Variants in RAP1GAP observed in about 807,000 individuals in gnomAD.
RAP1GAP encodes the protein RAP1 GTPase activating protein.
A neutral mutation model predicts 87.2 loss-of-function variants in RAP1GAP; 35 were observed. The ratio of observed to expected loss-of-function variants is 0.40; its 90% CI spans 0.31 to 0.53. The LOEUF (loss-of-function observed/expected upper bound fraction) is 0.53. Ranked by LOEUF, RAP1GAP falls within the 20% of genes least tolerant of loss-of-function variation. The pLI is 0.48. For synonymous variants in RAP1GAP, 375 were observed against 363.9 expected (o/e 1.03, Z -0.35); for missense variants, 734 against 898.9 (o/e 0.82, Z 2.35).
chr1:21,609,543 G>T lies in RAP1GAP; in HGVS notation c.1071+32C>A. Reference sequence around the variant, plus strand: ...CCCCAGGCCCCCACCCATTTGTCCTGCTCTGCCCATGACTGGGGGGGTGCC... The same window carrying T: ...CCCCAGGCCCCCACCCATTTGTCCTTCTCTGCCCATGACTGGGGGGGTGCC... On this transcript the variant is annotated intron_variant, in intron 15 of 24. Coordinates refer to ENST00000374765, the MANE Select transcript of RAP1GAP (RefSeq NM_002885.4). This position sits in a 1 kb window ranked among gnomAD's most constrained non-coding sequence, Gnocchi z 4.4. The T allele has an allele frequency of 7.4e-7, 1 of 1,358,454 alleles. No homozygotes were observed. The highest frequency in any genetic ancestry group is 1.0e-6 in the Non-Finnish European group (1 of 999,554). 84.2% of individuals were successfully genotyped at this position (1,358,454 alleles called of 1,614,324 possible).
chr1:21,651,241 G>A (rs1571343298), intron 1 of RAP1GAP: 22 of 365,358 alleles, frequency 6.0e-5, no homozygotes, highest in South Asian at 4.0e-4. Context: ...CAGGAAGGAG[G>A]GCAGCCTGGT....
At chr1:21,651,482 A>T in intron 1 of RAP1GAP, 1 of 621,880 alleles carries the variant, frequency 1.6e-6, no homozygotes, top group Non-Finnish European at 3.1e-6. Context: ...CACATGCATA[A>T]GCGCCACTAT....
Position 21,606,186 on chromosome 1 carries a change from C to G in RAP1GAP, c.1308G>C (p.Arg436=). 1 of 1,581,390 alleles carries G rather than the reference C, an allele frequency of 6.3e-7. No individual in the cohort carries two copies. The change falls in exon 18 of 25, where the codon CGG becomes CGC. Residue 436 remains arginine, a synonymous_variant. Coordinates refer to ENST00000374765, the MANE Select transcript of RAP1GAP (RefSeq NM_002885.4). ...GFFESFKRVI[R]SRSQSMDAMG... ...TGGCATCCATGGACTGGCTGCGGCT[C>G]CGGATGACCCGCTGTGAAGGGGGTG...
At chr1:21,636,101 G>A (rs2094624684) in intron 2 of RAP1GAP, among the ~76,000 whole-genome samples, 1 of 152,174 alleles carries the variant, frequency 6.6e-6, no homozygotes, top group African/African-American at 2.4e-5. Flanking sequence ...AATAAATTAG[G>A]TATTATATGG....
In RAP1GAP at chr1:21,669,156, C is replaced by T. The variant is rs2097499195; in HGVS notation, c.-149+98G>A. 1 of 1,183,802 alleles carries T rather than the reference C, an allele frequency of 8.4e-7. No individual in the cohort carries two copies. The highest frequency in any genetic ancestry group is 1.1e-6 in the Non-Finnish European group (1 of 939,842). The allele number at this position is 1,183,802 out of a possible 1,614,324, so 73.3% of individuals were successfully genotyped here. On this transcript the variant is annotated intron_variant, in intron 1 of 24. Coordinates refer to ENST00000374765, the MANE Select transcript of RAP1GAP (RefSeq NM_002885.4). This position sits in a 1 kb window ranked among gnomAD's most constrained non-coding sequence, Gnocchi z 5.6. The stretch of plus-strand genomic sequence containing the variant: ...CGTTCGCCCCCACCCTCCGTCCCCG[C>T]CCGCCCGCGCGGGGTCTTCGCTGCG...
rs866941479 is a variant in RAP1GAP at position 21,623,651 on chromosome 1, G to A, written c.-19+2653C>T. Among the ~76,000 whole-genome samples the A allele has an allele frequency of 5.3e-5, 8 of 152,368 alleles. No homozygotes were observed. The South Asian group carries it at 1.7e-3, about 32-fold the overall frequency. On this transcript the variant is annotated intron_variant, in intron 3 of 24. Transcript: ENST00000374765. ...TCCCCCTAGACCTGGCCTTGAATCA[G>A]GTTTGGGCCTGGAGAGCCAGCAGGA...
At chr1:21,635,340 C>T (rs542806834) in intron 2 of RAP1GAP, among the ~76,000 whole-genome samples, 6 of 152,332 alleles carry the variant, frequency 3.9e-5, no homozygotes, top group South Asian at 2.1e-4. Context: ...GGCATTCCTT[C>T]GCTCACTCAC....
chr1:21,635,050 C>A (rs1204606908), intron 2 of RAP1GAP, among the ~76,000 whole-genome samples: 1 of 152,222 alleles, frequency 6.6e-6, no homozygotes, highest in Non-Finnish European at 1.5e-5. Context: ...TGCTAATCTC[C>A]ATTCTGCCTG....
intron 1 of RAP1GAP, among the ~76,000 whole-genome samples, chr1:21,654,799 T>C (rs1339286853): frequency 6.6e-6 from 1 of 150,760 alleles, no homozygotes; most frequent in African/African-American, 2.4e-5. Context: ...ACCACTGCAC[T>C]CCAGCCTGGG....
chr1:21,648,228 G>A (rs1355526590), intron 2 of RAP1GAP, among the ~76,000 whole-genome samples: 1 of 152,202 alleles, frequency 6.6e-6, no homozygotes. Flanking sequence ...CTCGCCCAAA[G>A]TCACACAGCT....
chr1:21,635,639 G>T (rs1020701684), intron 2 of RAP1GAP, among the ~76,000 whole-genome samples: 4 of 152,228 alleles, frequency 2.6e-5, no homozygotes, highest in Admixed American at 1.3e-4. Context: ...TGGGGCTGGG[G>T]TTGCTGCCTC....
chr1:21,656,069 A>T (rs567549854), intron 1 of RAP1GAP, among the ~76,000 whole-genome samples: 1 of 152,252 alleles, frequency 6.6e-6, no homozygotes, highest in African/African-American at 2.4e-5. Flanking sequence ...GCTTTGCATT[A>T]ATCAGTTTTC....
At chr1:21,599,165 G>A (rs763957849) in intron 21 of RAP1GAP, among the ~76,000 whole-genome samples, 2 of 152,204 alleles carry the variant, frequency 1.3e-5, no homozygotes, top group African/African-American at 2.4e-5. Flanking sequence ...TGGCACATGC[G>A]CAAAGGGCCA....
At chr1:21,653,206 T>G (rs1353458810) in intron 1 of RAP1GAP, 2 of 152,094 alleles carry the variant, frequency 1.3e-5, no homozygotes, top group East Asian at 3.9e-4. Context: ...CTCACACCAA[T>G]TACTTCTCTC....
Position 21,634,384 on chromosome 1 carries a change from G to A in RAP1GAP, c.-112-7987C>T, listed in dbSNP as rs1451937739. ...CTATTTGCCATGCGGGCACTGTGAT[G>A]TCATTCAATCCTTATGACAACAACC... On this transcript the variant is annotated intron_variant, in intron 2 of 24. Transcript: ENST00000374765. This position sits in a 1 kb window ranked among gnomAD's most constrained non-coding sequence, Gnocchi z 4.1. Among the ~76,000 whole-genome samples the A allele has an allele frequency of 1.3e-5, 2 of 152,204 alleles. No homozygotes were observed. The highest frequency in any genetic ancestry group is 1.3e-4 in the Admixed American group (2 of 15,288).
At chr1:21,633,426 C>G (rs2094150397) in intron 2 of RAP1GAP, among the ~76,000 whole-genome samples, 1 of 152,174 alleles carries the variant, frequency 6.6e-6, no homozygotes, top group Admixed American at 6.5e-5. Flanking sequence ...GCTTTTCTGC[C>G]TAGTGAACCA....
At chr1:21,662,587 T>C (rs1453165520) in intron 1 of RAP1GAP, among the ~76,000 whole-genome samples, 3 of 152,080 alleles carry the variant, frequency 2.0e-5, no homozygotes, top group Non-Finnish European at 4.4e-5. Flanking sequence ...CTGGAAGCTT[T>C]AGGGCCTGGA....
chr1:21,617,468 G>A lies in RAP1GAP; in HGVS notation c.129C>T (p.Phe43=). ...CAAACTGGGGCAGCAGGATGAGGGG[G>A]AAGGGTCCTTCTCGCCCCAAGACCT... The part of the protein sequence containing the change: ...VHEVLGREGP[F]PLILLPQFGG... Residue 43 remains phenylalanine (F), a synonymous_variant, in exon 7 of 25, where the codon TTC becomes TTT. Coordinates refer to ENST00000374765, the MANE Select transcript of RAP1GAP (RefSeq NM_002885.4). 1 of 1,604,172 alleles carries A rather than the reference G, an allele frequency of 6.2e-7. No individual in the cohort carries two copies. The highest frequency in any genetic ancestry group is 8.5e-7 in the Non-Finnish European group (1 of 1,175,824).
chr1:21,633,858 CATGT>C (rs1224461788), intron 2 of RAP1GAP, among the ~76,000 whole-genome samples: 1 of 152,022 alleles, frequency 6.6e-6, no homozygotes, highest in Admixed American at 6.6e-5. Flanking sequence ...TTCTACCACC[CATGT>C]GGGGTGGAGG....
Sources: gnomAD v4.1 joint callset for allele counts (sites outside exome capture counted in the v4.1 genomes callset) on GRCh38, gnomAD v4.1.1 for gene constraint, Gnocchi (gnomAD v3.1) non-coding constraint, MANE v1.5 for transcripts, NCBI Gene and HGNC (gene_info 2026-07-23, HGNC 2026-07-21) for gene names.